PCDH9: variants seen among roughly 807,000 people sequenced by gnomAD.
PCDH9 encodes protocadherin 9, also known as protocadherin-9.
In PCDH9, 24 loss-of-function variants were observed where a neutral mutation model predicts 70.6. The ratio of observed to expected loss-of-function variants is 0.34; its 90% CI spans 0.25 to 0.48. PCDH9 has a LOEUF of 0.48. Among genes scored for constraint, PCDH9 ranks in the 20% least tolerant of loss-of-function variants. The probability of loss-of-function intolerance (pLI) is 0.99; values close to 1 mark genes in which losing one functional copy is unlikely to be tolerated. For missense variants in PCDH9, 1,281 were observed against 1,503.6 expected (o/e 0.85, Z 2.45); for synonymous variants, 562 against 558.5 (o/e 1.01, Z -0.09).
intron 3 of PCDH9, among the ~76,000 whole-genome samples, chr13:66,819,935 T>A (rs773229236): frequency 5.3e-5 from 8 of 151,964 alleles, no homozygotes; most frequent in Non-Finnish European, 1.2e-4. Context: ...TTTACAATAA[T>A]CTCTTTATTC....
In PCDH9 at chr13:67,190,806, G is replaced by A. The variant is rs114113384; in HGVS notation, c.3036+34599C>T. Among the ~76,000 whole-genome samples, 1,423 of 152,000 alleles carry A rather than the reference G, an allele frequency of 9.4e-3. 31 individuals carry two copies. Among genetic ancestry groups the A allele is most frequent in the African/African-American group, 0.032 (1,341 of 41,524 alleles). On this transcript the variant is annotated intron_variant, in intron 2 of 4. Coordinates refer to ENST00000377865, the MANE Select transcript of PCDH9 (RefSeq NM_203487.3). Reference sequence around the variant, plus strand: ...CCTTCTTATCTCCCAGAAAGAATACGCATTGCCTGTTTATGTTCTATGTGC... The same window carrying A: ...CCTTCTTATCTCCCAGAAAGAATACACATTGCCTGTTTATGTTCTATGTGC...
chr13:66,345,396 CTG>C (rs749925234), intron 4 of PCDH9, among the ~76,000 whole-genome samples: 4 of 152,032 alleles, frequency 2.6e-5, no homozygotes, highest in African/African-American at 4.8e-5. Context: ...GCCATGCACA[CTG>C]TGTTTTATCA....
chr13:67,070,023 A>C (rs1431604533), intron 2 of PCDH9, among the ~76,000 whole-genome samples: 1 of 151,622 alleles, frequency 6.6e-6, no homozygotes, highest in East Asian at 1.9e-4. Context: ...CTTGATTTTT[A>C]TCAACCCTGC....
chr13:67,115,672 C>A (rs546792956), intron 2 of PCDH9, among the ~76,000 whole-genome samples: 2 of 151,484 alleles, frequency 1.3e-5, no homozygotes, highest in African/African-American at 4.9e-5. Flanking sequence ...ATTGATTATC[C>A]GCCTCTGGAT....
intron 2 of PCDH9, among the ~76,000 whole-genome samples, chr13:66,980,190 G>C (rs1594342409): frequency 6.6e-6 from 1 of 151,176 alleles, no homozygotes; most frequent in East Asian, 1.9e-4. Context: ...TCTCAATGAA[G>C]GCAAAACTCG....
At chr13:66,721,575 T>G (rs1371386427) in intron 3 of PCDH9, among the ~76,000 whole-genome samples, 2 of 152,160 alleles carry the variant, frequency 1.3e-5, no homozygotes, top group Non-Finnish European at 2.9e-5. Context: ...ACAGAACTCA[T>G]GTTCATCCAC....
At chr13:66,637,590 A>G (rs1467619508) in intron 3 of PCDH9, among the ~76,000 whole-genome samples, 1 of 152,194 alleles carries the variant, frequency 6.6e-6, no homozygotes, top group Non-Finnish European at 1.5e-5. Flanking sequence ...TAGAAATCAC[A>G]TCCTTTTTTG....
chr13:67,157,364 G>A (rs7324254), intron 2 of PCDH9, among the ~76,000 whole-genome samples: 81,267 of 151,974 alleles, frequency 0.53, 22,417 homozygotes, highest in East Asian at 0.66. Context: ...GTTAAAATTT[G>A]CATGCCTTTA....
chr13:66,906,812 GA>G (rs1279482551), intron 2 of PCDH9, among the ~76,000 whole-genome samples: 3 of 151,706 alleles, frequency 2.0e-5, no homozygotes, highest in Non-Finnish European at 4.4e-5. Context: ...AAACTTTTAA[GA>G]AAAAAAATTC....
chr13:67,140,543 T>C (rs997161538), intron 2 of PCDH9, among the ~76,000 whole-genome samples: 1 of 152,138 alleles, frequency 6.6e-6, no homozygotes. Flanking sequence ...TTTTCAAACC[T>C]CAGGGCCCTT....
At chr13:66,610,560 T>C (rs564055118) in intron 4 of PCDH9, among the ~76,000 whole-genome samples, 1 of 152,310 alleles carries the variant, frequency 6.6e-6, no homozygotes, top group East Asian at 1.9e-4. Flanking sequence ...AAGATTTTAC[T>C]GCCTGTGGAG....
At chr13:66,513,646 G>T (rs1271309621) in intron 4 of PCDH9, among the ~76,000 whole-genome samples, 2 of 151,158 alleles carry the variant, frequency 1.3e-5, no homozygotes, top group Non-Finnish European at 2.9e-5. Flanking sequence ...ATATTCTCTT[G>T]GTCTTTCATT....
At chr13:67,091,335 G>C (rs919823759) in intron 2 of PCDH9, among the ~76,000 whole-genome samples, 3 of 152,018 alleles carry the variant, frequency 2.0e-5, no homozygotes, top group African/African-American at 4.8e-5. Flanking sequence ...AAATGCAAGA[G>C]GTGAAGCTAA....
intron 2 of PCDH9, chr13:67,220,525 A>G (rs2089701354): frequency 6.6e-6 from 1 of 152,048 alleles, no homozygotes; most frequent in South Asian, 2.1e-4. Flanking sequence ...TTTAAATAAT[A>G]AGAATATGTT....
intron 3 of PCDH9, among the ~76,000 whole-genome samples, chr13:66,665,219 G>A (rs6562465): frequency 0.57 from 85,925 of 150,810 alleles, 24,749 homozygotes; most frequent in African/African-American, 0.65. Context: ...CAATTCTCCC[G>A]CCTCAGCCTC....
At chr13:66,319,305 G>T (rs1219233424) in intron 4 of PCDH9, among the ~76,000 whole-genome samples, 5 of 152,132 alleles carry the variant, frequency 3.3e-5, no homozygotes, top group African/African-American at 1.2e-4. Context: ...GATGAGATTT[G>T]GGTGGGGACT....
chr13:67,065,456 T>C (rs892323278), intron 2 of PCDH9, among the ~76,000 whole-genome samples: 1 of 152,282 alleles, frequency 6.6e-6, no homozygotes, highest in Middle Eastern at 3.4e-3. Context: ...AAACTTCAAC[T>C]GCAGTAAAAC....
chr13:66,316,966 A>G (rs1165041943), intron 4 of PCDH9, among the ~76,000 whole-genome samples: 1 of 152,176 alleles, frequency 6.6e-6, no homozygotes, highest in South Asian at 2.1e-4. Context: ...CAACTGATCC[A>G]ACCTCCTCGG....
At chr13:66,564,318 C>T (rs1214670606) in intron 4 of PCDH9, among the ~76,000 whole-genome samples, 1 of 150,388 alleles carries the variant, frequency 6.6e-6, no homozygotes, top group Non-Finnish European at 1.5e-5. Context: ...GTGCACGCCA[C>T]TATGCACAGC....
Sources: allele counts gnomAD v4.1 joint callset (sites outside exome capture counted in the v4.1 genomes callset), GRCh38; gene constraint gnomAD v4.1.1; transcripts MANE v1.5; gene names NCBI Gene and HGNC (gene_info 2026-07-23, HGNC 2026-07-21).